CADM1: variants seen among roughly 807,000 people sequenced by gnomAD.
CADM1 encodes TSLC-1.
CADM1 carries 15 observed loss-of-function variants against 53.1 expected under a neutral mutation model. The observed-to-expected ratio is 0.28, with a 90% CI of 0.19 to 0.44. The LOEUF is 0.44. Among genes scored for constraint, CADM1 ranks in the 20% least tolerant of loss-of-function variants. The pLI is 1.00. For synonymous variants in CADM1, 281 were observed against 243.0 expected, an observed-to-expected ratio of 1.16 and a Z score of -1.45; for missense variants, 434 against 611.3, an observed-to-expected ratio of 0.71 and a Z score of 3.06.
intron 1 of CADM1, chr11:115,363,566 T>G (rs2135101650): frequency 6.6e-6 from 1 of 152,294 alleles, no homozygotes; most frequent in East Asian, 1.9e-4. Flanking sequence ...ATAAGATGAA[T>G]GCATACAAAA....
chr11:115,241,423 C>G (rs572074413), intron 1 of CADM1, among the ~76,000 whole-genome samples: 1 of 152,128 alleles, frequency 6.6e-6, no homozygotes, highest in African/African-American at 2.4e-5. Context: ...ACTTACAGAA[C>G]AAAAAGTGTG....
chr11:115,369,903 T>C (rs1271249295), intron 1 of CADM1, among the ~76,000 whole-genome samples: 1 of 152,194 alleles, frequency 6.6e-6, no homozygotes, highest in Non-Finnish European at 1.5e-5. Context: ...CTTAGCACTT[T>C]TTCCTACCAT....
rs143579701 is a variant in CADM1 at position 115,220,740 on chromosome 11, T to C, written c.722-2749A>G. Among the ~76,000 whole-genome samples, 21 of 152,308 alleles carry C rather than the reference T, an allele frequency of 1.4e-4. 1 individual carries two copies. The highest frequency in any genetic ancestry group is 2.4e-4 in the Non-Finnish European group (16 of 68,018). On this transcript the variant is annotated intron_variant, in intron 5 of 11. Transcript: ENST00000331581. ...GATCTATCCCTGGGTGATGGAAACT[T>C]AAAAATAAATTCTGTTCCCCTTCCT... is the stretch of plus-strand genomic sequence containing the variant.
At chr11:115,405,970 G>C (rs1947302854) in intron 1 of CADM1, among the ~76,000 whole-genome samples, 1 of 152,136 alleles carries the variant, frequency 6.6e-6, no homozygotes, top group Non-Finnish European at 1.5e-5. Context: ...GCTAGGCGTG[G>C]TTCTATAAGC....
intron 1 of CADM1, among the ~76,000 whole-genome samples, chr11:115,463,854 T>C (rs1948842844): frequency 7.3e-6 from 1 of 137,612 alleles, no homozygotes; most frequent in Non-Finnish European, 1.6e-5. Flanking sequence ...CAAAAAGCTT[T>C]TTTTTTTTGG....
chr11:115,325,624 T>C (rs1944940099), intron 1 of CADM1, among the ~76,000 whole-genome samples: 1 of 152,224 alleles, frequency 6.6e-6, no homozygotes, highest in African/African-American at 2.4e-5. Flanking sequence ...CTCTCATTTT[T>C]GAAGCTTTGT....
At chr11:115,282,505 C>CA (rs1943614795) in intron 1 of CADM1, among the ~76,000 whole-genome samples, 2 of 152,336 alleles carry the variant, frequency 1.3e-5, no homozygotes, top group African/African-American at 4.8e-5. Context: ...CTTGGGTTCA[C>CA]AATCACCAGT....
intron 1 of CADM1, among the ~76,000 whole-genome samples, chr11:115,332,937 A>G (rs754660955): frequency 2.0e-5 from 3 of 152,052 alleles, no homozygotes; most frequent in Non-Finnish European, 2.9e-5. Flanking sequence ...CCAGCCAAAC[A>G]CTAGCTGACA....
At position 115,171,581 on chromosome 11, in the gene CADM1, T is replaced by C. The variant is rs950629919; in HGVS notation, c.*4893A>G. ...CTCAAATGAAGGAGTGGGCAACTTATCAAGATCCTTTGAGCGGGGACGGCT... is the reference window on the plus strand; with the variant it reads ...CTCAAATGAAGGAGTGGGCAACTTACCAAGATCCTTTGAGCGGGGACGGCT... On this transcript the variant is annotated 3_prime_UTR_variant, in exon 12 of 12. Transcript: ENST00000331581. The C allele has an allele frequency of 6.6e-6, 1 of 152,208 alleles. No homozygotes were observed. The highest frequency in any genetic ancestry group is 2.4e-5 in the African/African-American group (1 of 41,448). The allele number at this position is 152,208 out of a possible 1,614,324, so 9.4% of individuals were successfully genotyped here.
intron 1 of CADM1, among the ~76,000 whole-genome samples, chr11:115,501,570 G>A (rs1031135130): frequency 6.6e-6 from 1 of 152,174 alleles, no homozygotes; most frequent in Non-Finnish European, 1.5e-5. Flanking sequence ...CATTTTTACT[G>A]CATTTCATTA....
intron 1 of CADM1, among the ~76,000 whole-genome samples, chr11:115,266,008 C>T (rs958479601): frequency 2.6e-5 from 4 of 152,092 alleles, no homozygotes; most frequent in East Asian, 1.9e-4. Flanking sequence ...CGTCAGAAAC[C>T]GTAGAAGTGG....
intron 1 of CADM1, among the ~76,000 whole-genome samples, chr11:115,461,630 G>A (rs1948796813): frequency 6.6e-6 from 1 of 152,208 alleles, no homozygotes; most frequent in Non-Finnish European, 1.5e-5. Context: ...GTGAACGGCG[G>A]TGAGCTATGA....
chr11:115,437,996 T>A (rs1303927952), intron 1 of CADM1, among the ~76,000 whole-genome samples: 1 of 152,196 alleles, frequency 6.6e-6, no homozygotes, highest in East Asian at 1.9e-4. Flanking sequence ...AGGAGCACCG[T>A]GTAACGCCTG....
At chr11:115,497,851 G>T (rs912292902) in intron 1 of CADM1, among the ~76,000 whole-genome samples, 11 of 151,964 alleles carry the variant, frequency 7.2e-5, no homozygotes, top group African/African-American at 2.7e-4. Flanking sequence ...ACCTGTCCAG[G>T]GCCATTCGGA....
intron 1 of CADM1, among the ~76,000 whole-genome samples, chr11:115,496,161 C>T (rs554837070): frequency 6.6e-6 from 1 of 152,276 alleles, no homozygotes; most frequent in South Asian, 2.1e-4. Context: ...ATAATATCAA[C>T]ACAGTTTGGC....
chr11:115,279,793 C>T (rs1266379335), intron 1 of CADM1, among the ~76,000 whole-genome samples: 4 of 152,140 alleles, frequency 2.6e-5, no homozygotes, highest in Non-Finnish European at 4.4e-5. Flanking sequence ...ATATTAAGCG[C>T]AGATCTTGCC....
chr11:115,174,473 G>A lies in CADM1; in HGVS notation c.*2001C>T, dbSNP rs1938927779. 1.0e-6 allele frequency: 1 copy of A among 985,524 alleles called. No homozygotes were observed. Among genetic ancestry groups the A allele is most frequent in the Admixed American group, 6.2e-5 (1 of 16,248 alleles). The allele number at this position is 985,524 out of a possible 1,614,324, so 61.0% of individuals were successfully genotyped here. A position where few individuals can be genotyped will look rare whatever the true frequency, so the allele number is the denominator to read the frequency against. On this transcript the variant is annotated 3_prime_UTR_variant, in exon 12 of 12. Coordinates refer to ENST00000331581, the MANE Select transcript of CADM1 (RefSeq NM_001301043.2). Reference sequence around the variant, plus strand: ...CATTGTGGCTTTTTGTCTTGGTTAAGTGCCTAGGGATAGGGGAGGGGTAAA... The same window carrying A: ...CATTGTGGCTTTTTGTCTTGGTTAAATGCCTAGGGATAGGGGAGGGGTAAA...
chr11:115,458,043 A>G (rs1204946152), intron 1 of CADM1, among the ~76,000 whole-genome samples: 2 of 151,900 alleles, frequency 1.3e-5, no homozygotes, highest in African/African-American at 4.8e-5. Context: ...GAAAATATTT[A>G]TGGGTGTACT....
intron 10 of CADM1, among the ~76,000 whole-genome samples, chr11:115,186,065 G>C (rs549869390): frequency 6.6e-6 from 1 of 152,296 alleles, no homozygotes; most frequent in South Asian, 2.1e-4. Flanking sequence ...TGGATTATGA[G>C]AAAGACCAGC....
Sources: gnomAD v4.1 joint callset for allele counts (sites outside exome capture counted in the v4.1 genomes callset) on GRCh38, gnomAD v4.1.1 for gene constraint, MANE v1.5 for transcripts, NCBI Gene and HGNC (gene_info 2026-07-23, HGNC 2026-07-21) for gene names.